OR5M3: variants seen among roughly 807,000 people sequenced by gnomAD.
The protein encoded by OR5M3 is olfactory receptor family 5 subfamily M member 3.
For synonymous variants in OR5M3, 129 were observed against 131.3 expected (o/e 0.98, Z 0.12); for missense variants, 384 against 378.6 (o/e 1.01, Z -0.12).
In OR5M3 at chr11:56,470,527, A is replaced by C; in HGVS notation, c.-30T>G. ...TGAATTCTAAGTCAATATCAGTTAC[A>C]AAACTTTTTGATAACTAAAATAAAA... On this transcript the variant is annotated 5_prime_UTR_variant, in exon 2 of 2. Transcript: ENST00000641993. The C allele has an allele frequency of 7.4e-7, 1 of 1,358,564 alleles. No homozygotes were observed. The highest frequency in any genetic ancestry group is 1.0e-6 in the Non-Finnish European group (1 of 998,004). The allele number at this position is 1,358,564 out of a possible 1,614,324, so 84.2% of individuals were successfully genotyped here. A position where few individuals can be genotyped will look rare whatever the true frequency, so the allele number is the denominator to read the frequency against.
intron 1 of OR5M3, among the ~76,000 whole-genome samples, chr11:56,470,752 A>G (rs1459241084): frequency 6.6e-6 from 1 of 152,078 alleles, no homozygotes; most frequent in Non-Finnish European, 1.5e-5. Context: ...ATACACTGGT[A>G]GTAAGTAATG....
rs115612441 is a variant in OR5M3, at chr11:56,471,741, T to C, written c.-44-1200A>G. Among the ~76,000 whole-genome samples the C allele has an allele frequency of 4.3e-3, 650 of 152,152 alleles. 4 individuals are homozygous for C. The highest frequency in any genetic ancestry group is 0.015 in the African/African-American group (617 of 41,548). ...ATTTCTCTCATATATGTATGAGAAATTCCATTAATTGGATATTTTGTCAAT... is the reference window on the plus strand; with the variant it reads ...ATTTCTCTCATATATGTATGAGAAACTCCATTAATTGGATATTTTGTCAAT... On this transcript the variant is annotated intron_variant, in intron 1 of 1. Coordinates refer to ENST00000641993, the MANE Select transcript of OR5M3 (RefSeq NM_001004742.3).
rs1198748106 is a variant in OR5M3 at position 56,470,364 on chromosome 11, A to T, written c.134T>A (p.Val45Glu). Residue 45 changes from valine (V) to glutamate (E), a missense_variant, in exon 2 of 2, where the codon GTG (valine) becomes GAG (glutamate). By Grantham distance (121) the Val-to-Glu change is moderately radical (BLOSUM62 -2). Coordinates refer to ENST00000641993, the MANE Select transcript of OR5M3 (RefSeq NM_001004742.3). ...ITMVGNIGMM[V>E]LIKVSPQLNN... Reference sequence around the variant, plus strand: ...AAGCTGAGGACTGACCTTGATTAACACCATCATGCCGATATTGCCCACCAT... The same window carrying T: ...AAGCTGAGGACTGACCTTGATTAACTCCATCATGCCGATATTGCCCACCAT... 2.5e-6 allele frequency: 4 copies of T among 1,613,764 alleles called. No homozygotes were observed. In the Admixed American group the frequency reaches 6.7e-5, roughly 27 times the overall value.
Position 56,469,736 on chromosome 11 carries a change from G to C in OR5M3, c.762C>G (p.Ile254Met). Residue 254 changes from isoleucine to methionine, a missense_variant, in exon 2 of 2, where the codon ATC becomes ATG. Ile to Met is a conservative substitution (Grantham distance 10). Coordinates refer to ENST00000641993, the MANE Select transcript of OR5M3 (RefSeq NM_001004742.3). Reference protein sequence around the residue: ...TAVIIFYGTLIFMYLRRPTEE... With the variant: ...TAVIIFYGTLMFMYLRRPTEE... ...CTGTGGGACGTCTGAGATACATGAA[G>C]ATCAGAGTACCATAGAATATAATGA... is the stretch of plus-strand genomic sequence containing the variant. The C allele has an allele frequency of 6.2e-7, 1 of 1,612,750 alleles. No homozygotes were observed. Among genetic ancestry groups the C allele is most frequent in the Non-Finnish European group, 8.5e-7 (1 of 1,179,214 alleles).
rs752765377 is a variant in OR5M3 at position 56,470,526 on chromosome 11, C to A, written c.-29G>T. Reference sequence around the variant, plus strand: ...CTGAATTCTAAGTCAATATCAGTTACAAAACTTTTTGATAACTAAAATAAA... The same window carrying A: ...CTGAATTCTAAGTCAATATCAGTTAAAAAACTTTTTGATAACTAAAATAAA... On this transcript the variant is annotated 5_prime_UTR_variant, in exon 2 of 2. Transcript: ENST00000641993. 4.4e-6 allele frequency: 6 copies of A among 1,375,558 alleles called. No homozygotes were observed. The African/African-American group carries it at 7.3e-5, about 17-fold the overall frequency. The allele number at this position is 1,375,558 out of a possible 1,614,324, so 85.2% of individuals were successfully genotyped here. A position where few individuals can be genotyped will look rare whatever the true frequency, so the allele number is the denominator to read the frequency against.
At position 56,469,933 on chromosome 11, in the gene OR5M3, C is replaced by A. The variant is rs748044978; in HGVS notation, c.565G>T (p.Gly189Trp). ...ATTGTATATTCTTTTACAAAGGTCC[C>A]AGCACAGGCCATTTTGATGAGAGGT... is the stretch of plus-strand genomic sequence containing the variant. ...DPPLIKMACAGTFVKEYTMII... is the reference protein window; with the variant it reads ...DPPLIKMACAWTFVKEYTMII... Residue 189 changes from glycine to tryptophan, a missense_variant, in exon 2 of 2, where the codon GGG (glycine) becomes TGG (tryptophan). Transcript: ENST00000641993. 5 of 1,612,420 alleles carry A rather than the reference C, an allele frequency of 3.1e-6. No homozygotes were observed. The highest frequency in any genetic ancestry group is 4.2e-6 in the Non-Finnish European group (5 of 1,178,548).
intron 1 of OR5M3, among the ~76,000 whole-genome samples, chr11:56,470,900 T>C (rs1422124295): frequency 6.6e-6 from 1 of 152,098 alleles, no homozygotes. Flanking sequence ...TTAAAAAGTG[T>C]ACATTTTTAC....
At chr11:56,471,875 T>C (rs1048236229) in intron 1 of OR5M3, among the ~76,000 whole-genome samples, 1 of 152,034 alleles carries the variant, frequency 6.6e-6, no homozygotes, top group Admixed American at 6.6e-5. Context: ...TCAAACCTTC[T>C]AATGGCTATA....
At chr11:56,472,823 T>G (rs597102) in intron 1 of OR5M3, among the ~76,000 whole-genome samples, 2 of 151,400 alleles carry the variant, frequency 1.3e-5, no homozygotes, top group Non-Finnish European at 3.0e-5. Context: ...CTAGTTAAAG[T>G]GTTCTGTTTC....
rs749065709 is a variant in OR5M3, at chr11:56,470,385, A to G, written c.113T>C (p.Val38Ala). 5 of 1,613,546 alleles carry G rather than the reference A, an allele frequency of 3.1e-6. No homozygotes were observed. The highest frequency in any genetic ancestry group is 1.1e-5 in the South Asian group (1 of 91,074). The change falls in exon 2 of 2, where the codon GTG (valine) becomes GCG (alanine). Residue 38 changes from valine to alanine, a missense_variant. By Grantham distance (64) the Val-to-Ala change is moderately conservative (BLOSUM62 0). Transcript: ENST00000641993. ...TAACACCATCATGCCGATATTGCCC[A>G]CCATGGTGATGATGTAGACCACAAG... ...IFLVVYIITMVGNIGMMVLIK... is the reference protein window; with the variant it reads ...IFLVVYIITMAGNIGMMVLIK...
rs1853648509 is a variant in OR5M3, at chr11:56,470,030, T to G, written c.468A>C (p.Ala156=). 1.2e-6 allele frequency: 2 copies of G among 1,613,396 alleles called. No homozygotes were observed. The highest frequency in any genetic ancestry group is 1.7e-6 in the Non-Finnish European group (2 of 1,179,404). The change falls in exon 2 of 2, where the codon GCA becomes GCC. Residue 156 remains alanine, a synonymous_variant. Coordinates refer to ENST00000641993, the MANE Select transcript of OR5M3 (RefSeq NM_001004742.3). ...PYIYGFLTSL[A]ATLWTYGLYF... The stretch of plus-strand genomic sequence containing the variant: ...ACAAGCCGTAAGTCCATAATGTTGC[T>G]GCCAGACTCGTCAGAAAACCATAAA...
chr11:56,470,595 A>T (rs541993880), intron 1 of OR5M3, 54 bp from the exon 2 acceptor site: 1 of 664,442 alleles, frequency 1.5e-6, no homozygotes, highest in South Asian at 2.4e-5. Context: ...TTATACCTTC[A>T]GATGCTCCCT....
chr11:56,470,863 G>A (rs919609981), intron 1 of OR5M3, among the ~76,000 whole-genome samples: 3 of 151,818 alleles, frequency 2.0e-5, no homozygotes, highest in Non-Finnish European at 2.9e-5. Flanking sequence ...TAATTACAAT[G>A]GATTATAGTT....
Position 56,470,450 on chromosome 11 carries a change from C to T in OR5M3, c.48G>A (p.Thr16=), listed in dbSNP as rs770674616. ...AGAGAACTTGCCATTCTCGACGGCT[C>T]GTTAGCCCCAAAAGAATGAACTCTG... is the stretch of plus-strand genomic sequence containing the variant. The part of the protein sequence containing the change: ...DVTEFILLGL[T]SRREWQVLFF... Residue 16 remains threonine (T), a synonymous_variant, in exon 2 of 2, where the codon ACG becomes ACA. Transcript: ENST00000641993. The T allele has an allele frequency of 1.9e-6, 3 of 1,610,384 alleles. No individual in the cohort carries two copies. Among genetic ancestry groups the T allele is most frequent in the Non-Finnish European group, 1.7e-6 (2 of 1,178,542 alleles).
rs1853683831 is a variant in OR5M3, at chr11:56,473,220, C to A, written c.-45+1G>T. 1 of 151,978 alleles carries A rather than the reference C, an allele frequency of 6.6e-6. No individual in the cohort carries two copies. The highest frequency in any genetic ancestry group is 2.4e-5 in the African/African-American group (1 of 41,390). The allele number at this position is 151,978 out of a possible 1,614,324, so 9.4% of individuals were successfully genotyped here. On this transcript the variant is annotated splice_donor_variant, in intron 1 of 1. Transcript: ENST00000641993. LOFTEE classifies it low-confidence loss of function (5UTR_SPLICE). ...TCCAGATAGATACATTTTTCACCAA[C>A]CTGAGAATGATGAGAAATATTCCCA...
chr11:56,470,241 T>A lies in OR5M3; in HGVS notation c.257A>T (p.Asp86Val), dbSNP rs751213876. The change falls in exon 2 of 2, where the codon GAT becomes GTT. Residue 86 changes from aspartate (D) to valine (V), a missense_variant. By Grantham distance (152) the Asp-to-Val change is radical. Transcript: ENST00000641993. Reference sequence around the variant, plus strand: ...ACCAGCATAAGTAATTGTTTTTTTATCTGATAACAGGTTTTCCAACATTTT... The same window carrying A: ...ACCAGCATAAGTAATTGTTTTTTTAACTGATAACAGGTTTTCCAACATTTT... Reference protein sequence around the residue: ...TPKMLENLLSDKKTITYAGCL... With the variant: ...TPKMLENLLSVKKTITYAGCL... 3.1e-6 allele frequency: 5 copies of A among 1,613,612 alleles called. No homozygotes were observed. The African/African-American group carries it at 6.7e-5, about 22-fold the overall frequency.
In OR5M3 at chr11:56,469,932, C is replaced by A. The variant is rs1380507215; in HGVS notation, c.566G>T (p.Gly189Val). ...DPPLIKMACA[G>V]TFVKEYTMII... ...CATTGTATATTCTTTTACAAAGGTC[C>A]CAGCACAGGCCATTTTGATGAGAGG... Residue 189 changes from glycine (G) to valine (V), a missense_variant, in exon 2 of 2, where the codon GGG becomes GTG. By Grantham distance (109) the Gly-to-Val change is moderately radical. Coordinates refer to ENST00000641993, the MANE Select transcript of OR5M3 (RefSeq NM_001004742.3). 2 of 1,612,458 alleles carry A rather than the reference C, an allele frequency of 1.2e-6. No homozygotes were observed. The highest frequency in any genetic ancestry group is 4.5e-5 in the East Asian group (2 of 44,866).
chr11:56,472,059 T>C (rs1008981298), intron 1 of OR5M3, among the ~76,000 whole-genome samples: 4 of 152,046 alleles, frequency 2.6e-5, no homozygotes, highest in Non-Finnish European at 5.9e-5. Context: ...TAAGTGAACA[T>C]TTATCCATAG....
At position 56,470,553 on chromosome 11, in the gene OR5M3, TAAAGG is replaced by T. The variant is rs1039503026; in HGVS notation, c.-44-17_-44-13del. On this transcript the variant is annotated splice_polypyrimidine_tract_variant and intron_variant, in intron 1 of 1. Coordinates refer to ENST00000641993, the MANE Select transcript of OR5M3 (RefSeq NM_001004742.3). ...AAACTTTTTGATAACTAAAATAAAA[TAAAGG>T]AAATATTAGAATATTTATTTATTAA... 2.5e-5 allele frequency: 23 copies of T among 929,414 alleles called. No homozygotes were observed. The highest frequency in any genetic ancestry group is 1.9e-4 in the African/African-American group (11 of 59,426). The allele number at this position is 929,414 out of a possible 1,614,324, so 57.6% of individuals were successfully genotyped here.
Sources: gnomAD v4.1 joint callset for allele counts (sites outside exome capture counted in the v4.1 genomes callset) on GRCh38, gnomAD v4.1.1 for gene constraint, MANE v1.5 for transcripts, NCBI Gene and HGNC (gene_info 2026-07-23, HGNC 2026-07-21) for gene names.